The following CAST variants were observed in gnomAD, a reference collection of about 807,000 sequenced individuals.
The protein encoded by CAST is calpastatin.
Under a neutral mutation model 119.6 loss-of-function variants are expected in CAST, and 76 were observed. That is an observed-to-expected ratio of 0.64 (90% CI 0.53 to 0.77). CAST has a LOEUF of 0.77. Ranked by LOEUF, CAST falls within the 30% of genes least tolerant of loss-of-function variation. CAST has a pLI of 0.00. For synonymous variants in CAST, 319 were observed against 331.6 expected (o/e 0.96, Z 0.41); for missense variants, 953 against 946.5 (o/e 1.01, Z -0.09).
the CAST span, among the ~76,000 whole-genome samples, chr5:96,357,466 G>A: frequency 6.6e-6 from 1 of 152,098 alleles, no homozygotes; most frequent in South Asian, 2.1e-4. Flanking sequence ...TTGGCTGTGG[G>A]TTTGTCATAA....
At position 96,715,040 on chromosome 5, in the gene CAST, C is replaced by T. The variant is rs185491125; in HGVS notation, c.211-7599C>T. Reference sequence around the variant, plus strand: ...GACTATTGTCACAGTTGCTAGGCAACGTTTGTATGTTTATTTCGAGGCCTA... The same window carrying T: ...GACTATTGTCACAGTTGCTAGGCAATGTTTGTATGTTTATTTCGAGGCCTA... On this transcript the variant is annotated intron_variant, in intron 3 of 31. Coordinates refer to ENST00000675179, the MANE Select transcript of CAST (RefSeq NM_001750.7). The T allele has an allele frequency of 9.3e-4, 141 of 152,118 alleles. 1 individual carries two copies. The highest frequency in any genetic ancestry group is 2.9e-3 in the African/African-American group (120 of 41,484). The allele number at this position is 152,118 out of a possible 1,614,324, so 9.4% of individuals were successfully genotyped here.
the CAST span, among the ~76,000 whole-genome samples, chr5:96,479,596 T>C: frequency 6.6e-6 from 1 of 151,980 alleles, no homozygotes; most frequent in Non-Finnish European, 1.5e-5. Flanking sequence ...AGTATAGGCA[T>C]GCACCACCAT....
the CAST span, among the ~76,000 whole-genome samples, chr5:96,192,308 A>G: frequency 3.3e-5 from 5 of 152,228 alleles, no homozygotes; most frequent in Non-Finnish European, 7.3e-5. Context: ...TCCTCTGTCT[A>G]TACCAAGAAT....
chr5:96,355,219 C>T, the CAST span, among the ~76,000 whole-genome samples: 1 of 151,266 alleles, frequency 6.6e-6, no homozygotes, highest in Admixed American at 6.6e-5. Flanking sequence ...TGTGATGTTC[C>T]CCTCCCTGTG....
At chr5:96,050,270 G>A in the CAST span, 3 of 152,300 alleles carry the variant, frequency 2.0e-5, no homozygotes, top group Non-Finnish European at 4.4e-5. Flanking sequence ...GGGGAAAAGA[G>A]AGACATAGGA....
At chr5:96,551,551 C>A (rs1433744164) in intron 1 of CAST, among the ~76,000 whole-genome samples, 1 of 152,112 alleles carries the variant, frequency 6.6e-6, no homozygotes, top group Non-Finnish European at 1.5e-5. Context: ...ATGAAAGGAT[C>A]AAATTCACAC....
intron 1 of CAST, among the ~76,000 whole-genome samples, chr5:96,575,338 A>C (rs1470933395): frequency 6.6e-6 from 1 of 152,142 alleles, no homozygotes; most frequent in Non-Finnish European, 1.5e-5. Flanking sequence ...AAACAACCAT[A>C]TCCTCTGCAA....
At chr5:96,044,251 G>A in the CAST span, among the ~76,000 whole-genome samples, 17 of 152,152 alleles carry the variant, frequency 1.1e-4, no homozygotes, top group African/African-American at 3.9e-4. Context: ...AACCCCCAAG[G>A]TGATGGTATT....
chr5:96,605,823 G>T (rs1008741013), intron 1 of CAST, among the ~76,000 whole-genome samples: 2 of 152,182 alleles, frequency 1.3e-5, no homozygotes, highest in Non-Finnish European at 1.5e-5. Context: ...TTGTTAAACA[G>T]TGGACTATAG....
At chr5:96,343,654 G>T in the CAST span, among the ~76,000 whole-genome samples, 2 of 152,156 alleles carry the variant, frequency 1.3e-5, no homozygotes, top group African/African-American at 4.8e-5. Flanking sequence ...AGAAGAAATT[G>T]CCAGATCCCT....
At chr5:96,021,169 T>C in the CAST span, among the ~76,000 whole-genome samples, 1 of 152,306 alleles carries the variant, frequency 6.6e-6, no homozygotes, top group Admixed American at 6.5e-5. Flanking sequence ...TGATATTGTT[T>C]AGTTAAGGAT....
At chr5:96,135,306 G>T in the CAST span, among the ~76,000 whole-genome samples, 1 of 152,328 alleles carries the variant, frequency 6.6e-6, no homozygotes. Context: ...GGAAGAAAAT[G>T]ATGGTGTCTG....
chr5:96,262,623 G>A, the CAST span, among the ~76,000 whole-genome samples: 19 of 152,144 alleles, frequency 1.2e-4, no homozygotes, highest in Admixed American at 1.0e-3. Flanking sequence ...TCTGCCTCCC[G>A]GGTTCATGCC....
At chr5:96,061,837 A>G in the CAST span, among the ~76,000 whole-genome samples, 3 of 152,130 alleles carry the variant, frequency 2.0e-5, no homozygotes, top group African/African-American at 7.2e-5. Flanking sequence ...TAGTGTGAAG[A>G]TATTTGTATT....
At chr5:96,189,679 C>A in the CAST span, among the ~76,000 whole-genome samples, 2 of 152,022 alleles carry the variant, frequency 1.3e-5, no homozygotes, top group African/African-American at 2.4e-5. Flanking sequence ...TCTGTTTCAT[C>A]TTTTTGTGTT....
chr5:96,563,144 T>A (rs1034554850), intron 1 of CAST, among the ~76,000 whole-genome samples: 1 of 152,180 alleles, frequency 6.6e-6, no homozygotes, highest in African/African-American at 2.4e-5. Context: ...TGCCATTAGA[T>A]CATACTCTTT....
chr5:95,993,877 C>G, the CAST span, among the ~76,000 whole-genome samples: 1 of 152,008 alleles, frequency 6.6e-6, no homozygotes, highest in Non-Finnish European at 1.5e-5. Context: ...TACTCAACAT[C>G]ACTAGTTATC....
chr5:96,140,809 A>G, the CAST span, among the ~76,000 whole-genome samples: 8 of 152,090 alleles, frequency 5.3e-5, no homozygotes, highest in African/African-American at 1.9e-4. Flanking sequence ...GGTCTTTCCA[A>G]CTTCATCTGG....
intron 1 of CAST, among the ~76,000 whole-genome samples, chr5:96,667,115 C>T (rs1056336152): frequency 6.6e-6 from 1 of 152,110 alleles, no homozygotes; most frequent in Non-Finnish European, 1.5e-5. Context: ...CAGTTCCATC[C>T]AATAAACACT....
Sources: gnomAD v4.1 joint callset for allele counts (sites outside exome capture counted in the v4.1 genomes callset) on GRCh38, gnomAD v4.1.1 for gene constraint, MANE v1.5 for transcripts, NCBI Gene and HGNC (gene_info 2026-07-23, HGNC 2026-07-21) for gene names.